Variants in FMN1 observed in about 807,000 individuals in gnomAD.
The protein encoded by FMN1 is formin-1.
A neutral mutation model predicts 132.4 loss-of-function variants in FMN1; 110 were observed. That is an observed-to-expected ratio of 0.83 (90% CI 0.71 to 0.97). The LOEUF is 0.97. FMN1 is among the 50% of genes least tolerant of loss of function. The probability of loss-of-function intolerance (pLI) is 0.00; values close to 1 mark genes in which losing one functional copy is unlikely to be tolerated. For synonymous variants in FMN1, 722 were observed against 651.7 expected (o/e 1.11, Z -1.64); for missense variants, 1,792 against 1,705.3 (o/e 1.05, Z -0.90).
At chr15:33,128,134 G>A (rs1462079894) in intron 4 of FMN1, among the ~76,000 whole-genome samples, 3 of 152,204 alleles carry the variant, frequency 2.0e-5, no homozygotes, top group Admixed American at 1.3e-4. Flanking sequence ...GGTGATGGGA[G>A]CAGTAGAGAG....
chr15:33,193,711 T>C lies in FMN1; in HGVS notation c.-197+198A>G, dbSNP rs1214427954. On this transcript the variant is annotated intron_variant, in intron 2 of 20. Transcript: ENST00000616417. ...CTCTCCAGGAGACAGCAAGCAGAAA[T>C]GTGGATGATTAAAATAAAGGGTTTT... is the stretch of plus-strand genomic sequence containing the variant. Among the ~76,000 whole-genome samples the C allele has an allele frequency of 3.3e-5, 5 of 151,992 alleles. No individual in the cohort carries two copies. The South Asian group carries it at 1.0e-3, about 32-fold the overall frequency.
chr15:33,040,894 T>C (rs1256897956), intron 6 of FMN1, among the ~76,000 whole-genome samples: 2 of 152,240 alleles, frequency 1.3e-5, no homozygotes, highest in Admixed American at 6.5e-5. Flanking sequence ...TTAACAAATC[T>C]AGTGCTCTAC....
chr15:32,867,378 C>T lies in FMN1; in HGVS notation c.3836-10271G>A, dbSNP rs115773372. On this transcript the variant is annotated intron_variant, in intron 16 of 20. Transcript: ENST00000616417. ...TCCCTGCCACAGTGGCCCTTCTTTC[C>T]ATTCCTCAAACATGCTCACTTCTTC... is the stretch of plus-strand genomic sequence containing the variant. Among the ~76,000 whole-genome samples, 610 of 152,344 alleles carry T rather than the reference C, an allele frequency of 4.0e-3. 2 individuals are homozygous for T. Among genetic ancestry groups the T allele is most frequent in the African/African-American group, 0.014 (590 of 41,592 alleles).
chr15:32,880,582 G>A (rs373320114), intron 16 of FMN1, among the ~76,000 whole-genome samples: 6 of 152,086 alleles, frequency 3.9e-5, no homozygotes, highest in African/African-American at 1.4e-4. Context: ...TCTTTAATGG[G>A]ACAGCACTTT....
At chr15:33,054,232 C>A (rs1399241109) in intron 6 of FMN1, among the ~76,000 whole-genome samples, 1 of 152,088 alleles carries the variant, frequency 6.6e-6, no homozygotes, top group Non-Finnish European at 1.5e-5. Flanking sequence ...GAGATCTGTG[C>A]CTGGAAATAG....
intron 15 of FMN1, among the ~76,000 whole-genome samples, chr15:32,892,878 G>C (rs2060065601): frequency 6.6e-6 from 1 of 151,954 alleles, no homozygotes; most frequent in African/African-American, 2.4e-5. Context: ...ATGTTATCTT[G>C]TACATCTTCC....
At position 33,064,964 on chromosome 15, in the gene FMN1, A is replaced by G. The variant is rs1336069293; in HGVS notation, c.2154T>C (p.Thr718=). 4.4e-6 allele frequency: 7 copies of G among 1,607,302 alleles called. No homozygotes were observed. Among genetic ancestry groups the G allele is most frequent in the Non-Finnish European group, 6.0e-6 (7 of 1,176,218 alleles). Residue 718 remains threonine, a synonymous_variant, in exon 6 of 21, where the codon ACT becomes ACC. Coordinates refer to ENST00000616417, the MANE Select transcript of FMN1 (RefSeq NM_001277313.2). ...DTEEKVGLKY[T]EAEYQAAILH... is the part of the protein sequence containing the mutation. ...AGCTTCCTTTCACATTACCTGCTTC[A>G]GTGTACTTCAGTCCCACTTTTTCTT...
chr15:33,009,746 T>C (rs1487179210), intron 6 of FMN1, among the ~76,000 whole-genome samples: 1 of 152,172 alleles, frequency 6.6e-6, no homozygotes, highest in African/African-American at 2.4e-5. Context: ...AGTAGCTTGA[T>C]CAAGGAAGTA....
chr15:33,048,932 G>GT (rs1416348813), intron 6 of FMN1, among the ~76,000 whole-genome samples: 1 of 152,206 alleles, frequency 6.6e-6, no homozygotes, highest in Non-Finnish European at 1.5e-5. Context: ...CAGCCAAACT[G>GT]TATCAGGAAA....
chr15:32,918,170 C>G (rs2060730184), intron 10 of FMN1, among the ~76,000 whole-genome samples: 1 of 151,840 alleles, frequency 6.6e-6, no homozygotes, highest in African/African-American at 2.4e-5. Flanking sequence ...AATAAAATCT[C>G]TAGTAACATA....
intron 3 of FMN1, among the ~76,000 whole-genome samples, chr15:33,157,403 T>G (rs1327782970): frequency 6.6e-6 from 1 of 152,178 alleles, no homozygotes; most frequent in East Asian, 1.9e-4. Context: ...ATATTTTCAT[T>G]TTGTTATCTC....
chr15:33,137,087 CAAAAAAAAAAAAAA>C (rs3082373), intron 4 of FMN1, among the ~76,000 whole-genome samples: 3 of 52,424 alleles, frequency 5.7e-5, no homozygotes, highest in African/African-American at 2.3e-4. Context: ...GACCCCGTCT[CAAAAAAAAAAAAAA>C]AAAAAAAAAA....
intron 4 of FMN1, among the ~76,000 whole-genome samples, chr15:33,123,493 T>C (rs1566936204): frequency 6.6e-6 from 1 of 152,170 alleles, no homozygotes; most frequent in Non-Finnish European, 1.5e-5. Context: ...TCATAGCATA[T>C]TAAGTAATAA....
intron 17 of FMN1, among the ~76,000 whole-genome samples, chr15:32,822,180 C>T (rs1013097452): frequency 1.3e-5 from 2 of 152,110 alleles, no homozygotes; most frequent in African/African-American, 4.8e-5. Flanking sequence ...GAAACCCCGC[C>T]TCTACTAAAA....
At position 33,066,630 on chromosome 15, in the gene FMN1, C is replaced by T. The variant is rs375860224; in HGVS notation, c.2044-1556G>A. 2.5e-6 allele frequency: 4 copies of T among 1,613,890 alleles called. No homozygotes were observed. The highest frequency in any genetic ancestry group is 2.5e-6 in the Non-Finnish European group (3 of 1,179,868). ...AGAGCTTCCAGCTCAGAGGTGTCAG[C>T]TGTGGTCCCCTTTCTGGGGGGCCGG... is the stretch of plus-strand genomic sequence containing the variant. On this transcript the variant is annotated intron_variant, in intron 5 of 20. Transcript: ENST00000616417.
chr15:32,852,674 T>A (rs1223888413), intron 17 of FMN1, among the ~76,000 whole-genome samples: 1 of 152,174 alleles, frequency 6.6e-6, no homozygotes, highest in African/African-American at 2.4e-5. Context: ...TGTCCAATAT[T>A]TTTTTATATT....
At chr15:33,002,571 G>A (rs573359923) in intron 7 of FMN1, among the ~76,000 whole-genome samples, 58 of 152,246 alleles carry the variant, frequency 3.8e-4, no homozygotes, top group African/African-American at 1.4e-3. Flanking sequence ...TAATCAGGCA[G>A]GTAAAGTGGC....
chr15:33,143,503 G>C (rs1964091448), intron 4 of FMN1, among the ~76,000 whole-genome samples: 1 of 152,112 alleles, frequency 6.6e-6, no homozygotes, highest in African/African-American at 2.4e-5. Context: ...TATCTTTGAG[G>C]AGAGATTTTT....
intron 6 of FMN1, among the ~76,000 whole-genome samples, chr15:33,058,394 T>C (rs1461129582): frequency 6.6e-6 from 1 of 152,164 alleles, no homozygotes; most frequent in Admixed American, 6.5e-5. Flanking sequence ...GTAAAACCAC[T>C]GAAATAACAA....
Sources: gnomAD v4.1 joint callset for allele counts (sites outside exome capture counted in the v4.1 genomes callset) on GRCh38, gnomAD v4.1.1 for gene constraint, MANE v1.5 for transcripts, NCBI Gene and HGNC (gene_info 2026-07-23, HGNC 2026-07-21) for gene names.